Variants in ALK observed in about 807,000 individuals in gnomAD.
The protein encoded by ALK is ALK tyrosine kinase receptor.
In ALK, 74 loss-of-function variants were observed where a neutral mutation model predicts 163.1. The ratio of observed to expected loss-of-function variants is 0.45; its 90% CI spans 0.38 to 0.55. The LOEUF is 0.55. Among genes scored for constraint, ALK ranks in the 20% least tolerant of loss-of-function variants. ALK has a pLI of 0.00. For synonymous variants in ALK, 960 were observed against 843.2 expected (o/e 1.14, Z -2.40); for missense variants, 2,063 against 2,105.3 (o/e 0.98, Z 0.39).
chr2:29,748,635 G>C (rs1305722669), intron 1 of ALK, among the ~76,000 whole-genome samples: 1 of 152,088 alleles, frequency 6.6e-6, no homozygotes, highest in Admixed American at 6.5e-5. Flanking sequence ...AACCTCAAAG[G>C]TTTTGATTCA....
intron 3 of ALK, among the ~76,000 whole-genome samples, chr2:29,638,688 T>C (rs1445370205): frequency 6.6e-6 from 1 of 152,174 alleles, no homozygotes; most frequent in Non-Finnish European, 1.5e-5. Flanking sequence ...GGCCTGTTTC[T>C]TGCCCTACAG....
intron 4 of ALK, among the ~76,000 whole-genome samples, chr2:29,477,701 G>A (rs936330379): frequency 2.0e-5 from 3 of 152,190 alleles, no homozygotes; most frequent in African/African-American, 4.8e-5. Context: ...AGTGACAGCA[G>A]GCAGAGGGAT....
At chr2:29,811,147 A>G (rs966987090) in intron 1 of ALK, among the ~76,000 whole-genome samples, 15 of 152,144 alleles carry the variant, frequency 9.9e-5, no homozygotes, top group African/African-American at 3.6e-4. Context: ...TGTCACACAG[A>G]TAAGGAGCTT....
intron 1 of ALK, among the ~76,000 whole-genome samples, chr2:29,738,358 T>C (rs1345939005): frequency 6.6e-6 from 1 of 152,056 alleles, no homozygotes; most frequent in Non-Finnish European, 1.5e-5. Context: ...ATCATGCTCA[T>C]GTTGTATGTA....
At chr2:29,826,534 C>T (rs760845413) in intron 1 of ALK, among the ~76,000 whole-genome samples, 5 of 151,952 alleles carry the variant, frequency 3.3e-5, no homozygotes, top group Non-Finnish European at 7.4e-5. Context: ...CATTCACATA[C>T]TCAGTCAGTC....
At chr2:29,363,007 G>A (rs1668419857) in intron 5 of ALK, among the ~76,000 whole-genome samples, 1 of 152,198 alleles carries the variant, frequency 6.6e-6, no homozygotes, top group Non-Finnish European at 1.5e-5. Context: ...AGGGGAAGAT[G>A]TTTCTGGGAA....
chr2:29,517,533 G>T (rs1203447247), intron 4 of ALK, among the ~76,000 whole-genome samples: 1 of 152,126 alleles, frequency 6.6e-6, no homozygotes, highest in East Asian at 1.9e-4. Flanking sequence ...TTGATGGATG[G>T]AGTCCATTAC....
intron 1 of ALK, among the ~76,000 whole-genome samples, chr2:29,737,658 T>A (rs1433114005): frequency 6.6e-6 from 1 of 151,994 alleles, no homozygotes; most frequent in East Asian, 1.9e-4. Flanking sequence ...AACTAGGGAA[T>A]CCAGAATACA....
intron 3 of ALK, among the ~76,000 whole-genome samples, chr2:29,624,921 T>A (rs145647657): frequency 2.1e-4 from 32 of 152,246 alleles, no homozygotes; most frequent in Non-Finnish European, 4.1e-4. Context: ...GGGGTTTGCC[T>A]CAGCTCTGGA....
intron 3 of ALK, among the ~76,000 whole-genome samples, chr2:29,655,867 C>T (rs1384661670): frequency 6.6e-6 from 1 of 152,204 alleles, no homozygotes; most frequent in Admixed American, 6.5e-5. Context: ...TGACTTCATA[C>T]TTCATGCATT....
chr2:29,653,069 G>C (rs1677081302), intron 3 of ALK, among the ~76,000 whole-genome samples: 1 of 152,094 alleles, frequency 6.6e-6, no homozygotes, highest in African/African-American at 2.4e-5. Context: ...CCCTCAACCA[G>C]TGGAGTCTGA....
chr2:29,394,591 A>G (rs1001173365), intron 4 of ALK, among the ~76,000 whole-genome samples: 1 of 152,182 alleles, frequency 6.6e-6, no homozygotes, highest in Non-Finnish European at 1.5e-5. Flanking sequence ...ATTAGAGAAG[A>G]GACCACAGGA....
At chr2:29,757,101 G>C (rs1008767910) in intron 1 of ALK, among the ~76,000 whole-genome samples, 1 of 152,218 alleles carries the variant, frequency 6.6e-6, no homozygotes, top group Non-Finnish European at 1.5e-5. Flanking sequence ...CTGTAGGCTA[G>C]TAGAAAGAAA....
intron 1 of ALK, among the ~76,000 whole-genome samples, chr2:29,766,271 T>C (rs563395497): frequency 6.6e-6 from 1 of 152,288 alleles, no homozygotes; most frequent in Non-Finnish European, 1.5e-5. Context: ...ATGGATCCTT[T>C]TGCACCACCA....
intron 3 of ALK, among the ~76,000 whole-genome samples, chr2:29,593,728 T>C (rs1435854201): frequency 6.6e-6 from 1 of 152,176 alleles, no homozygotes; most frequent in East Asian, 1.9e-4. Context: ...ACCAAAAAGT[T>C]CAGAAGTATA....
chr2:29,654,425 C>T (rs143323231), intron 3 of ALK, among the ~76,000 whole-genome samples: 4 of 152,220 alleles, frequency 2.6e-5, no homozygotes, highest in Admixed American at 1.3e-4. Context: ...TGCTTTGGGT[C>T]TTCCAGGTCT....
intron 1 of ALK, among the ~76,000 whole-genome samples, chr2:29,914,185 C>T (rs894124244): frequency 2.6e-5 from 4 of 152,154 alleles, no homozygotes; most frequent in African/African-American, 7.2e-5. Flanking sequence ...GAAGTAAATA[C>T]CACACTTCAA....
chr2:29,788,997 A>G (rs201413406), intron 1 of ALK, among the ~76,000 whole-genome samples: 2 of 111,680 alleles, frequency 1.8e-5, no homozygotes, highest in African/African-American at 5.7e-5. Flanking sequence ...GTCTAAAAAC[A>G]TGCTCCATCC....
chr2:29,603,035 A>G (rs1406562250), intron 3 of ALK, among the ~76,000 whole-genome samples: 5 of 152,226 alleles, frequency 3.3e-5, no homozygotes, highest in Non-Finnish European at 5.9e-5. Flanking sequence ...GGTAGATTCA[A>G]AGATTTTCTG....
Sources: allele counts gnomAD v4.1 joint callset (sites outside exome capture counted in the v4.1 genomes callset), GRCh38; gene constraint gnomAD v4.1.1; transcripts MANE v1.5; gene names NCBI Gene and HGNC (gene_info 2026-07-23, HGNC 2026-07-21).